C19orf12: variants seen among roughly 807,000 people sequenced by gnomAD.
C19orf12 encodes the protein protein C19orf12.
C19orf12 carries 2 observed loss-of-function variants against 3.8 expected under a neutral mutation model. The observed-to-expected ratio is 0.53, with a 90% confidence interval of 0.22 to 1.66. The LOEUF (loss-of-function observed/expected upper bound fraction) is 1.66. C19orf12 is among the 40% of genes most tolerant of loss of function. C19orf12 has a pLI of 0.20. For synonymous variants in C19orf12, 89 were observed against 84.6 expected (o/e 1.05, Z -0.28); for missense variants, 156 against 188.8 (o/e 0.83, Z 1.02).
rs113415246 is a variant in C19orf12, at chr19:29,702,212, C to G, written c.*500G>C. 6.6e-6 allele frequency: 3 copies of G among 454,106 alleles called. No homozygotes were observed. Among genetic ancestry groups the G allele is most frequent in the Non-Finnish European group, 1.3e-5 (3 of 226,904 alleles). The allele number at this position is 454,106 out of a possible 1,614,324, so 28.1% of individuals were successfully genotyped here. ...AGTCCCTGGGTAGGGGACGGTTGCA[C>G]TAGGAGGTAAACATGATTCCAGCAT... is the stretch of plus-strand genomic sequence containing the variant. On this transcript the variant is annotated 3_prime_UTR_variant, in exon 3 of 3. Coordinates refer to ENST00000323670, the MANE Select transcript of C19orf12 (RefSeq NM_031448.6).
Position 29,700,295 on chromosome 19 carries a change from CGGA to C in C19orf12, c.*2414_*2416del. On this transcript the variant is annotated 3_prime_UTR_variant, in exon 3 of 3. Coordinates refer to ENST00000323670, the MANE Select transcript of C19orf12 (RefSeq NM_031448.6). ...TCCAGAAGGATTTGCTGTAAGCAAC[CGGA>C]GAAGTTGGCATTTGTTCAACATGGA... The C allele has an allele frequency of 2.2e-6, 1 of 454,088 alleles. No homozygotes were observed. The highest frequency in any genetic ancestry group is 4.4e-6 in the Non-Finnish European group (1 of 226,790). The allele number at this position is 454,088 out of a possible 1,614,324, so 28.1% of individuals were successfully genotyped here. A position where few individuals can be genotyped will look rare whatever the true frequency, so the allele number is the denominator to read the frequency against.
intron 2 of C19orf12, among the ~76,000 whole-genome samples, chr19:29,706,442 C>CCCGG (rs1421432431): frequency 6.6e-6 from 1 of 152,194 alleles, no homozygotes; most frequent in African/African-American, 2.4e-5. Flanking sequence ...TAGTGAATCC[C>CCCGG]CCGGGCTCTC....
In C19orf12 at chr19:29,702,024, G is replaced by C. The variant is rs1011435081; in HGVS notation, c.*688C>G. On this transcript the variant is annotated 3_prime_UTR_variant, in exon 3 of 3. Coordinates refer to ENST00000323670, the MANE Select transcript of C19orf12 (RefSeq NM_031448.6). ...ACTTTTTACTAAAAATATTTCATTTGAGAAGTAAACCTCAAGAACTACCAG... is the reference window on the plus strand; with the variant it reads ...ACTTTTTACTAAAAATATTTCATTTCAGAAGTAAACCTCAAGAACTACCAG... 2.2e-6 allele frequency: 1 copy of C among 453,054 alleles called. No homozygotes were observed. Among genetic ancestry groups the C allele is most frequent in the African/African-American group, 2.0e-5 (1 of 49,960 alleles). 28.1% of individuals were successfully genotyped at this position (453,054 alleles called of 1,614,324 possible).
rs747924207 is a variant in C19orf12 at position 29,702,853 on chromosome 19, G to C, written c.285C>G (p.Ile95Met). The part of the protein sequence containing the change: ...QQRLFNEAAA[I>M]IRHLEWTDAV... ...CGTCCGTCCACTCCAGGTGCCTGAT[G>C]ATGGCTGCGGCTTCGTTAAAGAGCC... The change falls in exon 3 of 3, where the codon ATC (isoleucine) becomes ATG (methionine). Residue 95 changes from isoleucine to methionine, a missense_variant. Physicochemically the swap from Ile to Met is conservative, Grantham distance 10. Coordinates refer to ENST00000323670, the MANE Select transcript of C19orf12 (RefSeq NM_031448.6). 5 of 1,614,084 alleles carry C rather than the reference G, an allele frequency of 3.1e-6. No homozygotes were observed. In the South Asian group the frequency reaches 4.4e-5, roughly 14 times the overall value.
chr19:29,701,518 A>G lies in C19orf12; in HGVS notation c.*1194T>C, dbSNP rs2145616566. ...GTACCAATGCAATTTCTTTTTTCAA[A>G]TATTTCCTATCCAAGGCTGGTTGGA... is the stretch of plus-strand genomic sequence containing the variant. On this transcript the variant is annotated 3_prime_UTR_variant, in exon 3 of 3. Transcript: ENST00000323670. 1 of 453,660 alleles carries G rather than the reference A, an allele frequency of 2.2e-6. No individual in the cohort carries two copies. Among genetic ancestry groups the G allele is most frequent in the East Asian group, 6.9e-5 (1 of 14,398 alleles). 28.1% of individuals were successfully genotyped at this position (453,660 alleles called of 1,614,324 possible).
chr19:29,702,665 A>G lies in C19orf12; in HGVS notation c.*47T>C, dbSNP rs111959875. The G allele has an allele frequency of 1.9e-3, 3,000 of 1,611,286 alleles. 46 individuals are homozygous for G. The African/African-American group carries it at 0.036, about 19-fold the overall frequency. On this transcript the variant is annotated 3_prime_UTR_variant, in exon 3 of 3. Coordinates refer to ENST00000323670, the MANE Select transcript of C19orf12 (RefSeq NM_031448.6). Reference sequence around the variant, plus strand: ...CCAACTCCCAAGCCACCTCTTCAGAATCACAGAGTCATTTAAAGGGGCCCC... The same window carrying G: ...CCAACTCCCAAGCCACCTCTTCAGAGTCACAGAGTCATTTAAAGGGGCCCC...
chr19:29,708,650 G>T (rs1972506813), intron 1 of C19orf12: 1 of 601,662 alleles, frequency 1.7e-6, no homozygotes, highest in Non-Finnish European at 3.0e-6. Context: ...TGGATGAAAG[G>T]TCTTCTTTGC....
rs1226725191 is a variant in C19orf12 at position 29,701,376 on chromosome 19, A to G, written c.*1336T>C. On this transcript the variant is annotated 3_prime_UTR_variant, in exon 3 of 3. Transcript: ENST00000323670. ...GTAACCTACGCACACCTTCCTGTAT[A>G]ATTTAAATCATCTCTAGATTTCTTA... The G allele has an allele frequency of 6.6e-6, 3 of 454,024 alleles. No homozygotes were observed. The highest frequency in any genetic ancestry group is 2.3e-5 in the Admixed American group (1 of 42,560). 28.1% of individuals were successfully genotyped at this position (454,024 alleles called of 1,614,324 possible). A position where few individuals can be genotyped will look rare whatever the true frequency, so the allele number is the denominator to read the frequency against.
chr19:29,712,293 C>A (rs1972720373), intron 1 of C19orf12, among the ~76,000 whole-genome samples: 1 of 152,048 alleles, frequency 6.6e-6, no homozygotes, highest in Non-Finnish European at 1.5e-5. Context: ...GTAATCCCAG[C>A]TACTTGGGAG....
chr19:29,712,779 C>G (rs59946312), intron 1 of C19orf12, among the ~76,000 whole-genome samples: 2,285 of 152,220 alleles, frequency 0.015, 48 homozygotes, highest in African/African-American at 0.052. Context: ...TCTAACCTAC[C>G]CTCTGGAGTG....
chr19:29,698,977 G>A lies in C19orf12; in HGVS notation c.*3735C>T. 2.2e-6 allele frequency: 1 copy of A among 451,528 alleles called. No homozygotes were observed. Among genetic ancestry groups the A allele is most frequent in the Non-Finnish European group, 4.4e-6 (1 of 226,354 alleles). 28.0% of individuals were successfully genotyped at this position (451,528 alleles called of 1,614,324 possible). A position where few individuals can be genotyped will look rare whatever the true frequency, so the allele number is the denominator to read the frequency against. ...AAGAGAATATTAACACAGTATTACT[G>A]TAATACTTCAGCATTACAGTAGTAA... On this transcript the variant is annotated 3_prime_UTR_variant, in exon 3 of 3. Coordinates refer to ENST00000323670, the MANE Select transcript of C19orf12 (RefSeq NM_031448.6).
chr19:29,711,040 T>TTTG (rs1281837939), intron 1 of C19orf12, among the ~76,000 whole-genome samples: 2 of 141,810 alleles, frequency 1.4e-5, no homozygotes, highest in African/African-American at 5.4e-5. Context: ...AGAGAGGTTT[T>TTTG]TTTTTTTTTT....
chr19:29,715,099 C>A (rs1472031947), intron 1 of C19orf12, 26 bp downstream of exon 1: 1 of 613,400 alleles, frequency 1.6e-6, no homozygotes. Context: ...GGAGGCGCCC[C>A]GCCCCGGCTC....
chr19:29,711,705 G>A (rs906787875), intron 1 of C19orf12, among the ~76,000 whole-genome samples: 4 of 152,140 alleles, frequency 2.6e-5, no homozygotes, highest in Admixed American at 2.0e-4. Context: ...GCAAGAAAAT[G>A]CATGTAGAAG....
chr19:29,704,964 G>A (rs1972295911), intron 2 of C19orf12, among the ~76,000 whole-genome samples: 1 of 152,196 alleles, frequency 6.6e-6, no homozygotes. Flanking sequence ...AACATCTCAC[G>A]ATTTTTAAAT....
chr19:29,700,290 G>A lies in C19orf12; in HGVS notation c.*2422C>T, dbSNP rs1372008136. 2.2e-6 allele frequency: 1 copy of A among 454,128 alleles called. No individual in the cohort carries two copies. The highest frequency in any genetic ancestry group is 4.4e-6 in the Non-Finnish European group (1 of 226,782). 28.1% of individuals were successfully genotyped at this position (454,128 alleles called of 1,614,324 possible). On this transcript the variant is annotated 3_prime_UTR_variant, in exon 3 of 3. Coordinates refer to ENST00000323670, the MANE Select transcript of C19orf12 (RefSeq NM_031448.6). ...ATTGTTCCAGAAGGATTTGCTGTAA[G>A]CAACCGGAGAAGTTGGCATTTGTTC... is the stretch of plus-strand genomic sequence containing the variant.
rs1190171170 is a variant in C19orf12, at chr19:29,701,456, G to A, written c.*1256C>T. On this transcript the variant is annotated 3_prime_UTR_variant, in exon 3 of 3. Coordinates refer to ENST00000323670, the MANE Select transcript of C19orf12 (RefSeq NM_031448.6). The stretch of plus-strand genomic sequence containing the variant: ...AAATATGCTACACCATATTGTTTAG[G>A]GAATAATGGCAAGAAAAAAAGGTCT... The A allele has an allele frequency of 2.6e-5, 12 of 453,920 alleles. No homozygotes were observed. Among genetic ancestry groups the A allele is most frequent in the Non-Finnish European group, 4.9e-5 (11 of 226,798 alleles). 28.1% of individuals were successfully genotyped at this position (453,920 alleles called of 1,614,324 possible). A position where few individuals can be genotyped will look rare whatever the true frequency, so the allele number is the denominator to read the frequency against.
Position 29,700,357 on chromosome 19 carries a change from A to G in C19orf12, c.*2355T>C, listed in dbSNP as rs778389337. ...CCCCCAACTTTGAAGCACTGAACCA[A>G]ACATCTTTGTTGAGGTTTCATTCTC... On this transcript the variant is annotated 3_prime_UTR_variant, in exon 3 of 3. Coordinates refer to ENST00000323670, the MANE Select transcript of C19orf12 (RefSeq NM_031448.6). 1 of 454,132 alleles carries G rather than the reference A, an allele frequency of 2.2e-6. No homozygotes were observed. Among genetic ancestry groups the G allele is most frequent in the South Asian group, 1.6e-5 (1 of 64,440 alleles). 28.1% of individuals were successfully genotyped at this position (454,132 alleles called of 1,614,324 possible). A position where few individuals can be genotyped will look rare whatever the true frequency, so the allele number is the denominator to read the frequency against.
chr19:29,702,738 G>T lies in C19orf12; in HGVS notation c.400C>A (p.Arg134=). The T allele has an allele frequency of 1.9e-6, 3 of 1,613,820 alleles. No individual in the cohort carries two copies. Among genetic ancestry groups the T allele is most frequent in the Non-Finnish European group, 1.7e-6 (2 of 1,180,002 alleles). The change falls in exon 3 of 3, where the codon CGG becomes AGG. Residue 134 remains arginine (R), a synonymous_variant. Transcript: ENST00000323670. ...TAGTCATCATACTGGATCTCGGCCC[G>T]CAGCTCCTTGGTGACGTAGTTCACC... ...MLVNYVTKEL[R]AEIQYDD is the part of the protein sequence containing the mutation.
Sources: allele counts gnomAD v4.1 joint callset (sites outside exome capture counted in the v4.1 genomes callset), GRCh38; gene constraint gnomAD v4.1.1; transcripts MANE v1.5; gene names NCBI Gene and HGNC (gene_info 2026-07-23, HGNC 2026-07-21).